Variants in HORMAD1 observed in about 807,000 individuals in gnomAD.
The protein encoded by HORMAD1 is HORMA domain-containing protein 1.
In HORMAD1, 33 loss-of-function variants were observed where a neutral mutation model predicts 58.2. The ratio of observed to expected loss-of-function variants is 0.57; its 90% CI spans 0.43 to 0.76. HORMAD1 has a LOEUF of 0.76. Ranked by LOEUF, HORMAD1 falls within the 30% of genes least tolerant of loss-of-function variation. The pLI, the probability that HORMAD1 is intolerant of heterozygous loss-of-function variation, is 0.00. For synonymous variants in HORMAD1, 137 were observed against 144.6 expected (o/e 0.95, Z 0.38); for missense variants, 363 against 462.0 (o/e 0.79, Z 1.96).
chr1:150,708,588 A>C (rs747650680), intron 8 of HORMAD1, among the ~76,000 whole-genome samples, 181 bp from the exon 9 acceptor site: 1 of 152,238 alleles, frequency 6.6e-6, no homozygotes, highest in Non-Finnish European at 1.5e-5. Flanking sequence ...GCTAGAAATA[A>C]TAACTTAATT....
In HORMAD1 at chr1:150,719,509, C is replaced by T; in HGVS notation, c.-4G>A. The T allele has an allele frequency of 6.3e-7, 1 of 1,582,166 alleles. No homozygotes were observed. The highest frequency in any genetic ancestry group is 8.6e-7 in the Non-Finnish European group (1 of 1,163,718). On this transcript the variant is annotated 5_prime_UTR_variant, in exon 2 of 15. Coordinates refer to ENST00000361824, the MANE Select transcript of HORMAD1 (RefSeq NM_032132.5). ...TCTGCAACTGGGCAGTGGCCATCTT[C>T]TTCTGATAAAGTATTTTCTTTAATT... is the stretch of plus-strand genomic sequence containing the variant.
intron 14 of HORMAD1, 147 bp downstream of exon 14, chr1:150,699,965 G>C (rs976758738): frequency 4.2e-6 from 2 of 473,958 alleles, no homozygotes; most frequent in African/African-American, 2.0e-5. Flanking sequence ...TCGATTTTTA[G>C]AACAAAATAT....
intron 13 of HORMAD1, among the ~76,000 whole-genome samples, chr1:150,701,354 T>C (rs974645808): frequency 6.6e-6 from 1 of 152,180 alleles, no homozygotes; most frequent in Non-Finnish European, 1.5e-5. Flanking sequence ...GAGATACTCA[T>C]TTGAATGCTG....
At chr1:150,712,970 C>T (rs1364916682) in intron 5 of HORMAD1, among the ~76,000 whole-genome samples, 1 of 152,198 alleles carries the variant, frequency 6.6e-6, no homozygotes, top group Non-Finnish European at 1.5e-5. Context: ...CCAGGCTCAT[C>T]TCATGTTATT....
intron 9 of HORMAD1, among the ~76,000 whole-genome samples, chr1:150,707,422 C>T (rs1651728972): frequency 6.6e-6 from 1 of 152,138 alleles, no homozygotes; most frequent in South Asian, 2.1e-4. Context: ...TACTCAGTCC[C>T]CAATGAAGGA....
chr1:150,710,582 A>G (rs1484820724), intron 7 of HORMAD1, among the ~76,000 whole-genome samples: 1 of 152,234 alleles, frequency 6.6e-6, no homozygotes, highest in East Asian at 1.9e-4. Context: ...TGAACAATCA[A>G]TTAGTTTTCT....
Position 150,706,565 on chromosome 1 carries a change from C to CTCCT in HORMAD1, c.788_791dup (p.His265GlyfsTer6), listed in dbSNP as rs1557796763. The CTCCT allele has an allele frequency of 6.2e-7, 1 of 1,605,060 alleles. No homozygotes were observed. On this transcript the variant is annotated frameshift_variant, in exon 10 of 15. Transcript: ENST00000361824. LOFTEE classifies it high-confidence loss of function. ...GAAATACACTTACACTTGTATAATG[C>CTCCT]TCCTGTTCATCTTCTACATCTTTGT...
chr1:150,717,343 G>C, intron 2 of HORMAD1, 61 bp from the exon 3 acceptor site: 1 of 1,100,314 alleles, frequency 9.1e-7, no homozygotes. Context: ...AGTTTCTCTT[G>C]ACTTAACATA....
At chr1:150,716,150 C>CTTTTTTTTTTT (rs752800084) in intron 3 of HORMAD1, among the ~76,000 whole-genome samples, 3 of 68,732 alleles carry the variant, frequency 4.4e-5, no homozygotes, top group African/African-American at 2.0e-4. Flanking sequence ...CAAAGGACCA[C>CTTTTTTTTTTT]TTTTTTTTTT....
intron 9 of HORMAD1, 125 bp from the exon 10 acceptor site, chr1:150,706,934 G>A (rs1322074741): frequency 2.7e-6 from 2 of 737,804 alleles, no homozygotes; most frequent in Non-Finnish European, 4.1e-6. Context: ...TAAAACATAC[G>A]AATTACTCTC....
chr1:150,701,493 ATTTG>A (rs1651537108), intron 13 of HORMAD1, among the ~76,000 whole-genome samples: 1 of 152,158 alleles, frequency 6.6e-6, no homozygotes. Context: ...ACCTTGAGGC[ATTTG>A]CTGATTTCTG....
rs374857544 is a variant in HORMAD1 at position 150,703,009 on chromosome 1, C to T, written c.1032+301G>A. Among the ~76,000 whole-genome samples, 21 of 152,288 alleles carry T rather than the reference C, an allele frequency of 1.4e-4. No individual in the cohort carries two copies. In the South Asian group the frequency reaches 3.5e-3, roughly 26 times the overall value. The stretch of plus-strand genomic sequence containing the variant: ...TATCACTTCTTCCCAAAACCTTTCC[C>T]GGATCCCTCTCTTTAATATACCTTC... On this transcript the variant is annotated intron_variant, in intron 13 of 14. Transcript: ENST00000361824.
In HORMAD1 at chr1:150,717,247, T is replaced by C. The variant is rs140246451; in HGVS notation, c.69A>G (p.Glu23=). ...TCTTCACTAACACCAAAGACTGGTG[T>C]TCAGTTGATATCTTATTGGGAAATA... ...ALVFPNKIST[E]HQSLVLVKRL... Residue 23 remains glutamate (E), a synonymous_variant, in exon 3 of 15, where the codon GAA becomes GAG. Transcript: ENST00000361824. The C allele has an allele frequency of 1.8e-5, 28 of 1,590,008 alleles. No individual in the cohort carries two copies. In the African/African-American group the frequency reaches 2.8e-4, roughly 16 times the overall value.
At chr1:150,711,918 A>G in intron 5 of HORMAD1, 65 bp from the exon 6 acceptor site, 2 of 1,082,202 alleles carry the variant, frequency 1.8e-6, no homozygotes, top group Non-Finnish European at 2.8e-6. Context: ...ATTACGAATC[A>G]TAAGAATTCT....
Position 150,704,159 on chromosome 1 carries a change from T to G in HORMAD1, c.907A>C (p.Arg303=), listed in dbSNP as rs369598618. 5.1e-6 allele frequency: 8 copies of G among 1,576,918 alleles called. No homozygotes were observed. Among genetic ancestry groups the G allele is most frequent in the African/African-American group, 2.7e-5 (2 of 72,794 alleles). ...GAAAGATCTGGACTTTCTTTAGACC[T>G]CATAATTTCATCTTCCTCACAAACT... ...SLVCEEDEIM[R]SKESPDLSIS... The change falls in exon 12 of 15, where the codon AGG becomes CGG. Residue 303 remains arginine (R), a synonymous_variant. Coordinates refer to ENST00000361824, the MANE Select transcript of HORMAD1 (RefSeq NM_032132.5).
intron 9 of HORMAD1, among the ~76,000 whole-genome samples, chr1:150,707,871 G>T (rs777724155): frequency 6.6e-6 from 1 of 152,184 alleles, no homozygotes; most frequent in Non-Finnish European, 1.5e-5. Flanking sequence ...AGGAGGTGGA[G>T]GCTGCAGTGA....
intron 12 of HORMAD1, among the ~76,000 whole-genome samples, 179 bp from the exon 13 acceptor site, chr1:150,703,572 A>T (rs187977755): frequency 5.3e-5 from 8 of 152,324 alleles, no homozygotes; most frequent in Admixed American, 2.0e-4. Context: ...AGTGAAACTG[A>T]CACTTTACAT....
intron 5 of HORMAD1, 62 bp from the exon 6 acceptor site, chr1:150,711,915 A>G: frequency 9.1e-7 from 1 of 1,093,760 alleles, no homozygotes; most frequent in African/African-American, 1.6e-5. Context: ...TTCATTACGA[A>G]TCATAAGAAT....
chr1:150,717,444 T>C, intron 2 of HORMAD1, 162 bp from the exon 3 acceptor site: 1 of 413,728 alleles, frequency 2.4e-6, no homozygotes, highest in Non-Finnish European at 4.3e-6. Flanking sequence ...GCATGTAAAA[T>C]GTGAGGGTAT....
Sources: allele counts gnomAD v4.1 joint callset (sites outside exome capture counted in the v4.1 genomes callset), GRCh38; gene constraint gnomAD v4.1.1; transcripts MANE v1.5; gene names NCBI Gene and HGNC (gene_info 2026-07-23, HGNC 2026-07-21).